RHOBTB1: variants seen among roughly 807,000 people sequenced by gnomAD.
RHOBTB1 encodes rho-related BTB domain-containing protein 1.
RHOBTB1 carries 40 observed loss-of-function variants against 71.6 expected under a neutral mutation model. That is an observed-to-expected ratio of 0.56 (90% CI 0.43 to 0.73). The LOEUF (loss-of-function observed/expected upper bound fraction) is 0.73, where lower values mean the gene tolerates loss of function less well. Among genes scored for constraint, RHOBTB1 ranks in the 30% least tolerant of loss-of-function variants. RHOBTB1 has a pLI of 0.00. For missense variants in RHOBTB1, 797 were observed against 894.0 expected (o/e 0.89, Z 1.38); for synonymous variants, 319 against 334.9 (o/e 0.95, Z 0.52).
chr10:60,978,715 T>C (rs2086395721), intron 2 of RHOBTB1, among the ~76,000 whole-genome samples: 1 of 152,214 alleles, frequency 6.6e-6, no homozygotes, highest in African/African-American at 2.4e-5. Context: ...CTAAGCAACA[T>C]AGAACATAGT....
At chr10:60,914,939 G>A (rs1416897050) in intron 2 of RHOBTB1, among the ~76,000 whole-genome samples, 1 of 152,182 alleles carries the variant, frequency 6.6e-6, no homozygotes, top group Non-Finnish European at 1.5e-5. Context: ...AAAAGGCAGG[G>A]CAGAGTTAAA....
chr10:60,959,638 C>T (rs2085712298), intron 2 of RHOBTB1, among the ~76,000 whole-genome samples: 3 of 152,142 alleles, frequency 2.0e-5, no homozygotes. Flanking sequence ...ATAAAACTAA[C>T]AGGCAGGAGT....
rs562872183 is a variant in RHOBTB1, at chr10:60,903,083, C to T, written c.296+7804G>A. Among the ~76,000 whole-genome samples, 165 of 152,290 alleles carry T rather than the reference C, an allele frequency of 1.1e-3. No individual in the cohort carries two copies. In the South Asian group the frequency reaches 0.015, roughly 13 times the overall value. ...TATGGGAACATACGGAGAGACACCTCACCTGGATTCCGAAGGTGACAGAGA... is the reference window on the plus strand; with the variant it reads ...TATGGGAACATACGGAGAGACACCTTACCTGGATTCCGAAGGTGACAGAGA... On this transcript the variant is annotated intron_variant, in intron 4 of 10. Transcript: ENST00000337910.
chr10:60,965,941 C>T (rs964575617), intron 2 of RHOBTB1, among the ~76,000 whole-genome samples: 4 of 151,856 alleles, frequency 2.6e-5, no homozygotes, highest in Non-Finnish European at 4.4e-5. Flanking sequence ...TCTAACTCAT[C>T]GGGGGAAGTG....
chr10:60,921,238 A>T (rs902671398), intron 2 of RHOBTB1, among the ~76,000 whole-genome samples: 1 of 152,282 alleles, frequency 6.6e-6, no homozygotes, highest in East Asian at 1.9e-4. Flanking sequence ...ATGAGCCACC[A>T]TGCCTGATCC....
chr10:60,936,359 T>A (rs1207964767), intron 2 of RHOBTB1, among the ~76,000 whole-genome samples: 1 of 152,108 alleles, frequency 6.6e-6, no homozygotes, highest in African/African-American at 2.4e-5. Context: ...TATTATAGAG[T>A]TTATTATTAT....
intron 2 of RHOBTB1, among the ~76,000 whole-genome samples, chr10:60,970,717 GC>G (rs1276790792): frequency 6.6e-6 from 1 of 151,932 alleles, no homozygotes; most frequent in Admixed American, 6.6e-5. Context: ...AGCTTACATA[GC>G]TTTTTTTTTC....
At chr10:60,915,472 G>C (rs1009104223) in intron 2 of RHOBTB1, among the ~76,000 whole-genome samples, 1 of 152,100 alleles carries the variant, frequency 6.6e-6, no homozygotes, top group African/African-American at 2.4e-5. Flanking sequence ...CTGAAAGAAT[G>C]GACACTGGTA....
chr10:60,917,519 C>T (rs1470326817), intron 2 of RHOBTB1, among the ~76,000 whole-genome samples: 1 of 152,162 alleles, frequency 6.6e-6, no homozygotes, highest in East Asian at 1.9e-4. Flanking sequence ...GGTGAGGGCT[C>T]TCTTCCTGGC....
chr10:60,862,138 T>A, the RHOBTB1 span, among the ~76,000 whole-genome samples: 1 of 144,084 alleles, frequency 6.9e-6, no homozygotes, highest in South Asian at 2.3e-4. Context: ...TCTCCTTCTC[T>A]CTCTCTCTTT....
rs761383014 is a variant in RHOBTB1, at chr10:60,888,923, G to A, written c.745C>T (p.Pro249Ser). Residue 249 changes from proline (P) to serine (S), a missense_variant, in exon 6 of 11, where the codon CCT becomes TCT. This residue lies in a region of RHOBTB1 where 658 missense variants were observed against 681.5 expected (regional missense o/e 0.97). Transcript: ENST00000337910. ...GCAGCTTCATTTGTCCCCATGGAAG[G>A]ACACTCTGGAATTTTGATGACCGGT... ...PPPVIKIPEC[P>S]SMGTNEAACL... 1 of 1,614,092 alleles carries A rather than the reference G, an allele frequency of 6.2e-7. No homozygotes were observed. The highest frequency in any genetic ancestry group is 1.3e-5 in the African/African-American group (1 of 74,936).
intron 1 of RHOBTB1, among the ~76,000 whole-genome samples, chr10:60,993,025 A>T (rs1050190796): frequency 6.6e-6 from 1 of 152,198 alleles, no homozygotes; most frequent in Non-Finnish European, 1.5e-5. Context: ...TCTTAGGTGC[A>T]TGCCTCTTTA....
At chr10:60,953,519 C>A (rs1379974788) in intron 2 of RHOBTB1, among the ~76,000 whole-genome samples, 1 of 152,192 alleles carries the variant, frequency 6.6e-6, no homozygotes, top group Non-Finnish European at 1.5e-5. Context: ...TCAATCCGAA[C>A]AATTCCTCTT....
chr10:60,935,049 G>A (rs560250902), intron 2 of RHOBTB1, among the ~76,000 whole-genome samples: 1 of 152,152 alleles, frequency 6.6e-6, no homozygotes, highest in African/African-American at 2.4e-5. Flanking sequence ...GAATGTTCTT[G>A]GCAGCACTAT....
At chr10:60,863,333 T>C in the RHOBTB1 span, among the ~76,000 whole-genome samples, 96 of 152,334 alleles carry the variant, frequency 6.3e-4, no homozygotes, top group East Asian at 9.8e-3. Context: ...TGAATTTATT[T>C]TTTGATCTTT....
chr10:60,908,534 C>T (rs1304077023), intron 4 of RHOBTB1, among the ~76,000 whole-genome samples: 1 of 152,074 alleles, frequency 6.6e-6, no homozygotes, highest in Non-Finnish European at 1.5e-5. Flanking sequence ...ATTATGATTC[C>T]TCTCCTTCAC....
intron 7 of RHOBTB1, among the ~76,000 whole-genome samples, chr10:60,883,557 G>C (rs2081426412): frequency 6.6e-6 from 1 of 152,172 alleles, no homozygotes; most frequent in South Asian, 2.1e-4. Context: ...GCACTTCAGT[G>C]AGCTGGACAA....
rs532983617 is a variant in RHOBTB1 at position 60,901,900 on chromosome 10, A to G, written c.297-8905T>C. Among the ~76,000 whole-genome samples the G allele has an allele frequency of 1.6e-4, 25 of 152,358 alleles. No individual in the cohort carries two copies. In the South Asian group the frequency reaches 2.5e-3, roughly 15 times the overall value. ...CCTGTGGACTCTCTTGGGCCCATCAATGCTTTTCTGGGCTGAGCCACAAAG... is the reference window on the plus strand; with the variant it reads ...CCTGTGGACTCTCTTGGGCCCATCAGTGCTTTTCTGGGCTGAGCCACAAAG... On this transcript the variant is annotated intron_variant, in intron 4 of 10. Coordinates refer to ENST00000337910, the MANE Select transcript of RHOBTB1 (RefSeq NM_014836.5).
intron 4 of RHOBTB1, among the ~76,000 whole-genome samples, chr10:60,906,624 T>A (rs1184006220): frequency 3.7e-4 from 56 of 152,208 alleles, no homozygotes; most frequent in African/African-American, 1.3e-3. Flanking sequence ...ATGAGCCTAT[T>A]TTGCAGGCTC....
Sources: allele counts gnomAD v4.1 joint callset (sites outside exome capture counted in the v4.1 genomes callset), GRCh38; gene constraint gnomAD v4.1.1; regional missense constraint gnomAD v4.1.1; transcripts MANE v1.5; gene names NCBI Gene and HGNC (gene_info 2026-07-23, HGNC 2026-07-21).